Variants in NTM observed in about 807,000 individuals in gnomAD.
NTM encodes the protein neurotrimin, also known as IgLON family member 2.
In NTM, 13 loss-of-function variants were observed where a neutral mutation model predicts 42.1. The observed-to-expected ratio is 0.31, with a 90% confidence interval of 0.20 to 0.49. The LOEUF is 0.49. Among genes scored for constraint, NTM ranks in the 20% least tolerant of loss-of-function variants. The pLI is 0.99. For missense variants in NTM, 373 were observed against 452.8 expected (o/e 0.82, Z 1.60); for synonymous variants, 187 against 179.2 (o/e 1.04, Z -0.35).
At chr11:132,148,441 C>G (rs560124343) in intron 3 of NTM, among the ~76,000 whole-genome samples, 2 of 152,126 alleles carry the variant, frequency 1.3e-5, no homozygotes, top group Non-Finnish European at 2.9e-5. Flanking sequence ...CTCAGCCCCC[C>G]TCCTGTCCTG....
intron 1 of NTM, among the ~76,000 whole-genome samples, chr11:131,439,988 T>A (rs1317022005): frequency 6.6e-6 from 1 of 151,790 alleles, no homozygotes; most frequent in Non-Finnish European, 1.5e-5. Flanking sequence ...TTAATACATT[T>A]CTCTTCTATC....
intron 4 of NTM, among the ~76,000 whole-genome samples, chr11:132,298,320 AT>A (rs1181361971): frequency 1.3e-5 from 2 of 151,824 alleles, no homozygotes; most frequent in Non-Finnish European, 2.9e-5. Context: ...AAGCTGATTT[AT>A]TTTTTTATTT....
At chr11:131,679,408 T>G (rs575867629) in intron 1 of NTM, among the ~76,000 whole-genome samples, 1 of 152,208 alleles carries the variant, frequency 6.6e-6, no homozygotes, top group South Asian at 2.1e-4. Context: ...CCCAATCATT[T>G]TTACGGCCTT....
At chr11:131,489,085 G>A in intron 1 of NTM, among the ~76,000 whole-genome samples, 1 of 152,142 alleles carries the variant, frequency 6.6e-6, no homozygotes, top group East Asian at 1.9e-4. Flanking sequence ...AGATCCAGCA[G>A]GTGGACCTTC....
At chr11:131,811,214 C>T (rs1195014202) in intron 1 of NTM, among the ~76,000 whole-genome samples, 1 of 152,180 alleles carries the variant, frequency 6.6e-6, no homozygotes, top group East Asian at 1.9e-4. Context: ...TGGTCTGTCT[C>T]TCCCTATTAG....
intron 3 of NTM, chr11:132,211,755 G>T (rs2082880733): frequency 6.7e-6 from 2 of 300,240 alleles, no homozygotes; most frequent in South Asian, 7.1e-5. Context: ...CAGGAAGAGG[G>T]TGGAGGCTAG....
chr11:131,838,151 C>T (rs1447762113), intron 1 of NTM, among the ~76,000 whole-genome samples: 1 of 151,994 alleles, frequency 6.6e-6, no homozygotes, highest in Non-Finnish European at 1.5e-5. Context: ...AGGTAAAAAC[C>T]GGAAGGACGA....
intron 4 of NTM, among the ~76,000 whole-genome samples, chr11:132,234,650 C>T (rs938711716): frequency 6.6e-6 from 1 of 152,106 alleles, no homozygotes; most frequent in African/African-American, 2.4e-5. Context: ...ACACTTTACA[C>T]GTTATAATAA....
chr11:132,278,247 T>C (rs969981503), intron 4 of NTM, among the ~76,000 whole-genome samples: 3 of 152,216 alleles, frequency 2.0e-5, no homozygotes, highest in Non-Finnish European at 2.9e-5. Context: ...AAACCAATCA[T>C]TGTATTATGC....
rs1230807901 is a variant in NTM, at chr11:131,370,878, T to G, written c.72T>G (p.Cys24Trp). The G allele has an allele frequency of 1.2e-6, 2 of 1,613,904 alleles. No individual in the cohort carries two copies. Among genetic ancestry groups the G allele is most frequent in the East Asian group, 4.5e-5 (2 of 44,896 alleles). The change falls in exon 1 of 9, where the codon TGT becomes TGG. Residue 24 changes from cysteine (C) to tryptophan (W), a missense_variant. Coordinates refer to ENST00000683400, the MANE Select transcript of NTM (RefSeq NM_001352005.2). Reference protein sequence around the residue: ...WAIFTGLAALCLFQGVPVRSG... With the variant: ...WAIFTGLAALWLFQGVPVRSG... Reference sequence around the variant, plus strand: ...TCTTCACGGGGCTGGCTGCTCTGTGTCTCTTCCAAGGTAAGAGCTTGCTAT... The same window carrying G: ...TCTTCACGGGGCTGGCTGCTCTGTGGCTCTTCCAAGGTAAGAGCTTGCTAT...
chr11:131,953,698 C>T (rs961365668), intron 2 of NTM, among the ~76,000 whole-genome samples: 4 of 151,988 alleles, frequency 2.6e-5, no homozygotes, highest in African/African-American at 9.7e-5. Context: ...ATCACAGGCA[C>T]TCAGGCTTCT....
chr11:132,050,901 GTTC>G (rs1451547175), intron 2 of NTM, among the ~76,000 whole-genome samples: 2 of 152,302 alleles, frequency 1.3e-5, no homozygotes, highest in African/African-American at 2.4e-5. Flanking sequence ...GCCTTGTCTG[GTTC>G]TTCTTCTGCA....
intron 1 of NTM, among the ~76,000 whole-genome samples, chr11:131,495,671 A>C (rs1955265246): frequency 6.6e-6 from 1 of 152,188 alleles, no homozygotes; most frequent in South Asian, 2.1e-4. Context: ...AGGGTTGAGC[A>C]GGGTGTGGGT....
intron 1 of NTM, among the ~76,000 whole-genome samples, chr11:131,442,689 C>T (rs137952022): frequency 9.9e-5 from 15 of 152,182 alleles, no homozygotes; most frequent in East Asian, 5.8e-4. Context: ...TTTCTGTTTC[C>T]GAGTTATTTC....
chr11:132,182,460 G>A (rs2077715325), intron 3 of NTM, among the ~76,000 whole-genome samples: 1 of 152,118 alleles, frequency 6.6e-6, no homozygotes, highest in African/African-American at 2.4e-5. Context: ...TATAAAATCA[G>A]GGGAATAATA....
chr11:132,179,745 A>G (rs1475670328), intron 3 of NTM, among the ~76,000 whole-genome samples: 1 of 152,140 alleles, frequency 6.6e-6, no homozygotes, highest in Non-Finnish European at 1.5e-5. Flanking sequence ...TGCAGGAGAT[A>G]CCAAGTGGAA....
At chr11:131,865,627 A>G (rs1290442373) in intron 1 of NTM, among the ~76,000 whole-genome samples, 1 of 152,084 alleles carries the variant, frequency 6.6e-6, no homozygotes, top group African/African-American at 2.4e-5. Context: ...ACCCTGCTCA[A>G]CCCTCTTATG....
At chr11:132,095,887 C>G (rs1304026167) in intron 2 of NTM, among the ~76,000 whole-genome samples, 1 of 152,218 alleles carries the variant, frequency 6.6e-6, no homozygotes, top group African/African-American at 2.4e-5. Flanking sequence ...TGTACTCTAC[C>G]TGGGCCAAAA....
chr11:131,916,665 A>G (rs2056436869), intron 2 of NTM, among the ~76,000 whole-genome samples: 1 of 152,152 alleles, frequency 6.6e-6, no homozygotes, highest in African/African-American at 2.4e-5. Context: ...TGATAAGCAG[A>G]TGGATTCTCT....
Sources: allele counts gnomAD v4.1 joint callset (sites outside exome capture counted in the v4.1 genomes callset), GRCh38; gene constraint gnomAD v4.1.1; transcripts MANE v1.5; gene names NCBI Gene and HGNC (gene_info 2026-07-23, HGNC 2026-07-21).